Variants in FER1L6 observed in about 807,000 individuals in gnomAD.
FER1L6 encodes fer-1-like protein 6.
In FER1L6, 177 loss-of-function variants were observed where a neutral mutation model predicts 219.2. The observed-to-expected ratio is 0.81, with a 90% confidence interval of 0.71 to 0.91. FER1L6 has a LOEUF of 0.91. Among genes scored for constraint, FER1L6 ranks in the 40% least tolerant of loss-of-function variants. The probability of loss-of-function intolerance (pLI) is 0.00; values close to 1 mark genes in which losing one functional copy is unlikely to be tolerated. For missense variants in FER1L6, 2,153 were observed against 2,259.9 expected, an observed-to-expected ratio of 0.95 and a Z score of 0.96; for synonymous variants, 768 against 824.3, an observed-to-expected ratio of 0.93 and a Z score of 1.17.
chr8:124,060,099 T>G, intron 22 of FER1L6, 81 bp from the exon 23 acceptor site: 2 of 986,244 alleles, frequency 2.0e-6, no homozygotes, highest in South Asian at 2.7e-5. Flanking sequence ...AGTGAACATC[T>G]TACTGATGAG....
chr8:123,961,135 C>A (rs963373612), intron 2 of FER1L6, among the ~76,000 whole-genome samples: 1 of 152,050 alleles, frequency 6.6e-6, no homozygotes, highest in Non-Finnish European at 1.5e-5. Context: ...GTGGAGTGTG[C>A]TTGCAGTCAC....
At position 123,932,443 on chromosome 8, in the gene FER1L6, C is replaced by T. The variant is rs187447473; in HGVS notation, c.-7-23549C>T. Among the ~76,000 whole-genome samples, 11 of 152,282 alleles carry T rather than the reference C, an allele frequency of 7.2e-5. No homozygotes were observed. In the South Asian group the frequency reaches 1.2e-3, roughly 17 times the overall value. On this transcript the variant is annotated intron_variant, in intron 1 of 40. Transcript: ENST00000522917. Reference sequence around the variant, plus strand: ...TTCTTAAAGTTACTTTCTTTTAAGGCATGTGTTACTCATTTTCTGTTTAAA... The same window carrying T: ...TTCTTAAAGTTACTTTCTTTTAAGGTATGTGTTACTCATTTTCTGTTTAAA...
In FER1L6 at chr8:123,894,169, G is replaced by A. The variant is rs571062662; in HGVS notation, c.-8+41984G>A. ...AATGAGATACCAGGCCTCTCAAAAT[G>A]TATCAAAGAACTGAAACTCACCAGA... On this transcript the variant is annotated intron_variant, in intron 1 of 40. Transcript: ENST00000522917. Among the ~76,000 whole-genome samples the A allele has an allele frequency of 9.3e-4, 141 of 152,278 alleles. 2 individuals carry two copies. Among genetic ancestry groups the A allele is most frequent in the East Asian group, 2.5e-3 (13 of 5,182 alleles).
In FER1L6 at chr8:124,023,510, C is replaced by T. The variant is rs776299927; in HGVS notation, c.2200C>T (p.Arg734Cys). 1.7e-5 allele frequency: 28 copies of T among 1,614,038 alleles called. No individual in the cohort carries two copies. In the African/African-American group the frequency reaches 2.1e-4, roughly 12 times the overall value. Reference sequence around the variant, plus strand: ...CAACAACAGGAGAGTGGCCTATGCCCGCATCGCCTCCAAAGACCTCCTCTA... The same window carrying T: ...CAACAACAGGAGAGTGGCCTATGCCTGCATCGCCTCCAAAGACCTCCTCTA... ...LSNNRRVAYA[R>C]IASKDLLYSP... Residue 734 changes from arginine (R) to cysteine (C), a missense_variant, in exon 18 of 41, where the codon CGC (arginine) becomes TGC (cysteine). Physicochemically the swap from Arg to Cys is radical, Grantham distance 180. Coordinates refer to ENST00000522917, the MANE Select transcript of FER1L6 (RefSeq NM_001039112.2).
In FER1L6 at chr8:123,879,746, C is replaced by T. The variant is rs79378487; in HGVS notation, c.-8+27561C>T. The stretch of plus-strand genomic sequence containing the variant: ...ATACACACACACACACACTCACACA[C>T]ATTCACTCACTGAAGTATATGTTGG... On this transcript the variant is annotated intron_variant, in intron 1 of 40. Coordinates refer to ENST00000522917, the MANE Select transcript of FER1L6 (RefSeq NM_001039112.2). Among the ~76,000 whole-genome samples the T allele has an allele frequency of 2.0e-5, 3 of 152,304 alleles. No individual in the cohort carries two copies. The East Asian group carries it at 5.8e-4, about 29-fold the overall frequency.
intron 1 of FER1L6, among the ~76,000 whole-genome samples, chr8:123,861,461 G>A (rs1380913676): frequency 1.4e-5 from 2 of 143,736 alleles, no homozygotes; most frequent in Non-Finnish European, 3.0e-5. Context: ...ACTTGGCGAT[G>A]CGGGCTCTTT....
chr8:123,902,552 C>T (rs193199065), intron 1 of FER1L6, among the ~76,000 whole-genome samples: 267 of 152,262 alleles, frequency 1.8e-3, no homozygotes, highest in African/African-American at 6.2e-3. Context: ...CTTTTACCAT[C>T]ATATACTGTC....
intron 1 of FER1L6, among the ~76,000 whole-genome samples, chr8:123,866,287 G>A (rs913513247): frequency 4.6e-5 from 7 of 151,332 alleles, no homozygotes; most frequent in African/African-American, 1.7e-4. Flanking sequence ...TTTTAAGGTT[G>A]TATAGTATTC....
chr8:124,004,867 G>A (rs988788928), intron 13 of FER1L6, among the ~76,000 whole-genome samples: 4 of 151,774 alleles, frequency 2.6e-5, no homozygotes, highest in Admixed American at 6.6e-5. Flanking sequence ...GCATGGTGGC[G>A]GGCACCTGTG....
chr8:124,066,592 G>C (rs1243354815), intron 27 of FER1L6, 42 bp downstream of exon 27: 1 of 1,605,072 alleles, frequency 6.2e-7, no homozygotes, highest in East Asian at 2.2e-5. Flanking sequence ...GATTCAATAA[G>C]GAAACACAGC....
chr8:124,090,246 G>A (rs1821972499), intron 33 of FER1L6, among the ~76,000 whole-genome samples: 2 of 152,188 alleles, frequency 1.3e-5, no homozygotes, highest in Admixed American at 6.5e-5. Context: ...TAAGCCTAGA[G>A]AGCCTGTTTA....
chr8:123,989,120 T>C (rs1426367181), intron 12 of FER1L6, among the ~76,000 whole-genome samples: 5 of 152,196 alleles, frequency 3.3e-5, no homozygotes, highest in Non-Finnish European at 7.4e-5. Context: ...TGACGTGATG[T>C]ATCATATTGA....
chr8:123,954,126 C>T (rs1019146053), intron 1 of FER1L6, among the ~76,000 whole-genome samples: 1 of 152,158 alleles, frequency 6.6e-6, no homozygotes, highest in Non-Finnish European at 1.5e-5. Context: ...TTCCATTATA[C>T]ACAGGAGGAA....
At chr8:123,855,754 A>ATGTGTG (rs1816625677) in intron 1 of FER1L6, among the ~76,000 whole-genome samples, 49 of 143,380 alleles carry the variant, frequency 3.4e-4, no homozygotes, top group African/African-American at 1.2e-3. Context: ...GTATGTGTGT[A>ATGTGTG]TATATATGTG....
chr8:124,070,740 C>T (rs1821034935), intron 30 of FER1L6, 142 bp downstream of exon 30: 1 of 673,352 alleles, frequency 1.5e-6, no homozygotes, highest in Non-Finnish European at 2.3e-6. Flanking sequence ...TCTAGAACTC[C>T]ACAAAACCTA....
intron 19 of FER1L6, among the ~76,000 whole-genome samples, chr8:124,035,689 G>C (rs1486280999): frequency 6.6e-6 from 1 of 152,212 alleles, no homozygotes; most frequent in East Asian, 1.9e-4. Context: ...TCTGTTAATA[G>C]AGAGGAAGTA....
chr8:123,867,410 T>C (rs931154438), intron 1 of FER1L6, among the ~76,000 whole-genome samples: 4 of 152,218 alleles, frequency 2.6e-5, no homozygotes, highest in Non-Finnish European at 5.9e-5. Context: ...TATTTTAACC[T>C]GAGACAATAA....
chr8:123,915,896 C>T (rs776381153), intron 1 of FER1L6, among the ~76,000 whole-genome samples: 1 of 152,066 alleles, frequency 6.6e-6, no homozygotes, highest in South Asian at 2.1e-4. Context: ...GTATAGACAG[C>T]GTGAGTAAAG....
chr8:123,967,995 T>G (rs1195839992), intron 5 of FER1L6, among the ~76,000 whole-genome samples: 1 of 151,724 alleles, frequency 6.6e-6, no homozygotes, highest in Non-Finnish European at 1.5e-5. Flanking sequence ...ATGAGAATGG[T>G]CATTTAAAAG....
Sources: allele counts gnomAD v4.1 joint callset (sites outside exome capture counted in the v4.1 genomes callset), GRCh38; gene constraint gnomAD v4.1.1; transcripts MANE v1.5; gene names NCBI Gene and HGNC (gene_info 2026-07-23, HGNC 2026-07-21).